The following LRRC4C variants were observed in gnomAD, a reference collection of about 807,000 sequenced individuals.
The protein encoded by LRRC4C is leucine-rich repeat-containing protein 4C.
LRRC4C carries 5 observed loss-of-function variants against 33.6 expected under a neutral mutation model. The observed-to-expected ratio is 0.15, with a 90% CI of 0.08 to 0.31. The LOEUF (loss-of-function observed/expected upper bound fraction) is 0.31, where lower values mean the gene tolerates loss of function less well. Ranked by LOEUF, LRRC4C falls within the 10% of genes least tolerant of loss-of-function variation. The pLI is 1.00. For missense variants in LRRC4C, 560 were observed against 796.7 expected, an observed-to-expected ratio of 0.70 and a Z score of 3.58; for synonymous variants, 329 against 302.0, an observed-to-expected ratio of 1.09 and a Z score of -0.93.
intron 1 of LRRC4C, among the ~76,000 whole-genome samples, chr11:41,001,926 G>C (rs777512279): frequency 7.3e-5 from 11 of 151,328 alleles, no homozygotes; most frequent in Non-Finnish European, 1.5e-4. Flanking sequence ...ATGTTACTGA[G>C]ATAAATTGTC....
intron 5 of LRRC4C, among the ~76,000 whole-genome samples, chr11:40,153,114 G>A (rs913476222): frequency 2.0e-5 from 3 of 152,150 alleles, no homozygotes; most frequent in African/African-American, 7.2e-5. Flanking sequence ...CACATCACAG[G>A]ACTTTGTGCA....
At chr11:40,701,629 A>G (rs991169501) in intron 2 of LRRC4C, among the ~76,000 whole-genome samples, 1 of 148,756 alleles carries the variant, frequency 6.7e-6, no homozygotes, top group African/African-American at 2.5e-5. Context: ...ACATATATAC[A>G]TGAAATATAT....
At chr11:40,384,314 A>G (rs990090640) in intron 3 of LRRC4C, among the ~76,000 whole-genome samples, 20 of 152,164 alleles carry the variant, frequency 1.3e-4, no homozygotes, top group Non-Finnish European at 2.6e-4. Context: ...AAGAAAAACT[A>G]TATTGAAATC....
At chr11:40,448,461 T>C (rs1162713181) in intron 3 of LRRC4C, among the ~76,000 whole-genome samples, 1 of 152,062 alleles carries the variant, frequency 6.6e-6, no homozygotes, top group Non-Finnish European at 1.5e-5. Context: ...CCATGTGTTC[T>C]CATTGTTCAA....
intron 3 of LRRC4C, among the ~76,000 whole-genome samples, chr11:40,334,957 T>A (rs1052169115): frequency 6.6e-6 from 1 of 152,216 alleles, no homozygotes; most frequent in East Asian, 1.9e-4. Context: ...TGGAAACTTT[T>A]GTTCAGTTAA....
chr11:41,249,405 T>C (rs1012248903), intron 1 of LRRC4C, among the ~76,000 whole-genome samples: 15 of 152,196 alleles, frequency 9.9e-5, no homozygotes, highest in African/African-American at 3.4e-4. Context: ...TACCTAGGTA[T>C]TATTTGGCAT....
intron 2 of LRRC4C, among the ~76,000 whole-genome samples, chr11:40,766,495 G>A (rs1489288832): frequency 2.0e-5 from 3 of 150,970 alleles, no homozygotes; most frequent in Non-Finnish European, 3.0e-5. Context: ...ACCTACTTAT[G>A]TCTTGATTAT....
At chr11:40,477,950 G>T (rs1383658453) in intron 3 of LRRC4C, among the ~76,000 whole-genome samples, 1 of 152,176 alleles carries the variant, frequency 6.6e-6, no homozygotes, top group African/African-American at 2.4e-5. Flanking sequence ...ATGACAGTCA[G>T]TAAGTCCCAT....
chr11:41,021,214 A>AGAGTGTGTGTGT (rs1855957863), intron 1 of LRRC4C, among the ~76,000 whole-genome samples: 2 of 133,994 alleles, frequency 1.5e-5, no homozygotes, highest in African/African-American at 5.8e-5. Flanking sequence ...AGAGAGAGAG[A>AGAGTGTGTGTGT]GTGTGTGTGT....
chr11:40,642,947 C>CT (rs1271735295), intron 3 of LRRC4C, among the ~76,000 whole-genome samples: 1 of 152,042 alleles, frequency 6.6e-6, no homozygotes, highest in Non-Finnish European at 1.5e-5. Context: ...TAAAATAGAA[C>CT]TTTTTTCCTT....
intron 2 of LRRC4C, among the ~76,000 whole-genome samples, chr11:40,653,367 T>C (rs552230536): frequency 6.6e-6 from 1 of 152,272 alleles, no homozygotes; most frequent in African/African-American, 2.4e-5. Context: ...CAGGTTGAGG[T>C]GGTCTCAAAT....
At chr11:41,128,618 G>T (rs1942862026) in intron 1 of LRRC4C, among the ~76,000 whole-genome samples, 1 of 152,004 alleles carries the variant, frequency 6.6e-6, no homozygotes, top group African/African-American at 2.4e-5. Flanking sequence ...TAATTCATTT[G>T]CCATAAATTA....
intron 4 of LRRC4C, among the ~76,000 whole-genome samples, chr11:40,256,971 C>T (rs952436941): frequency 6.6e-6 from 1 of 152,178 alleles, no homozygotes; most frequent in African/African-American, 2.4e-5. Context: ...CAACTCCTGC[C>T]AAAGCTCTGA....
intron 1 of LRRC4C, among the ~76,000 whole-genome samples, chr11:41,427,485 C>T (rs1955080314): frequency 6.6e-6 from 1 of 152,134 alleles, no homozygotes; most frequent in Non-Finnish European, 1.5e-5. Context: ...TAGAGCATGA[C>T]TAATTTTCTA....
chr11:40,413,217 C>A (rs939299012), intron 3 of LRRC4C, among the ~76,000 whole-genome samples: 43 of 151,838 alleles, frequency 2.8e-4, no homozygotes, highest in African/African-American at 1.0e-3. Context: ...TGGTTTTTTT[C>A]ATGGAAAGGC....
chr11:40,278,224 G>T (rs1340238354), intron 4 of LRRC4C, among the ~76,000 whole-genome samples: 2 of 152,168 alleles, frequency 1.3e-5, no homozygotes, highest in Non-Finnish European at 1.5e-5. Flanking sequence ...CCAGATATGA[G>T]TTTCCGTCAC....
intron 1 of LRRC4C, among the ~76,000 whole-genome samples, chr11:41,099,048 G>A (rs1247739192): frequency 1.3e-5 from 2 of 152,030 alleles, no homozygotes; most frequent in Non-Finnish European, 2.9e-5. Context: ...CAGAGACTGT[G>A]ATGAATACCT....
At chr11:41,447,223 C>T (rs914097616) in intron 1 of LRRC4C, among the ~76,000 whole-genome samples, 17 of 152,102 alleles carry the variant, frequency 1.1e-4, no homozygotes, top group African/African-American at 4.1e-4. Flanking sequence ...TCTCCTAAGC[C>T]TCATTTTCCT....
At chr11:40,774,282 G>T (rs527454097) in intron 2 of LRRC4C, among the ~76,000 whole-genome samples, 1 of 152,150 alleles carries the variant, frequency 6.6e-6, no homozygotes, top group African/African-American at 2.4e-5. Flanking sequence ...CTTTGCTACA[G>T]GGTTTTAAAA....
Sources: gnomAD v4.1 joint callset for allele counts (sites outside exome capture counted in the v4.1 genomes callset) on GRCh38, gnomAD v4.1.1 for gene constraint, MANE v1.5 for transcripts, NCBI Gene and HGNC (gene_info 2026-07-23, HGNC 2026-07-21) for gene names.